The following MTHFD1L variants were observed in gnomAD, a reference collection of about 807,000 sequenced individuals.
The protein encoded by MTHFD1L is monofunctional C1-tetrahydrofolate synthase, mitochondrial.
In MTHFD1L, 81 loss-of-function variants were observed where a neutral mutation model predicts 119.5. The ratio of observed to expected loss-of-function variants is 0.68; its 90% confidence interval spans 0.57 to 0.82. MTHFD1L has a LOEUF of 0.82. Among genes scored for constraint, MTHFD1L ranks in the 40% least tolerant of loss-of-function variants. The probability of loss-of-function intolerance (pLI) is 0.00; values close to 1 mark genes in which losing one functional copy is unlikely to be tolerated. For missense variants in MTHFD1L, 1,125 were observed against 1,253.4 expected, an observed-to-expected ratio of 0.90 and a Z score of 1.55; for synonymous variants, 430 against 475.2, an observed-to-expected ratio of 0.90 and a Z score of 1.24.
At chr6:151,006,771 C>T (rs998536166) in intron 20 of MTHFD1L, among the ~76,000 whole-genome samples, 12 of 152,034 alleles carry the variant, frequency 7.9e-5, no homozygotes, top group African/African-American at 2.9e-4. Context: ...AACACATGGT[C>T]CGTATCATCA....
intron 1 of MTHFD1L, among the ~76,000 whole-genome samples, chr6:150,874,133 C>T (rs1780005050): frequency 6.6e-6 from 1 of 152,080 alleles, no homozygotes; most frequent in African/African-American, 2.4e-5. Flanking sequence ...GGGCCTCAGT[C>T]ACCCATTATT....
chr6:150,949,095 G>A lies in MTHFD1L; in HGVS notation c.1688G>A (p.Arg563His), dbSNP rs61748674. 0.017 allele frequency: 27,336 copies of A among 1,613,932 alleles called. 289 individuals carry two copies. The highest frequency in any genetic ancestry group is 0.021 in the Non-Finnish European group (24,208 of 1,179,912). Residue 563 changes from arginine (R) to histidine (H), a missense_variant, in exon 16 of 28, where the codon CGT (arginine) becomes CAT (histidine). By Grantham distance (29) the Arg-to-His change is conservative. Coordinates refer to ENST00000367321, the MANE Select transcript of MTHFD1L (RefSeq NM_015440.5). ...GAAGAGGAAGTGAGTAAATTTGCCC[G>A]TCTCGACATCGACCCATCTACCATC... The part of the protein sequence containing the change: ...LTEEEVSKFA[R>H]LDIDPSTITW...
intron 20 of MTHFD1L, among the ~76,000 whole-genome samples, chr6:150,995,851 C>T (rs749674856): frequency 1.5e-4 from 23 of 151,998 alleles, no homozygotes; most frequent in Admixed American, 3.9e-4. Context: ...TTAGTAGAGA[C>T]GGGGTTTCAC....
At chr6:150,981,932 T>G (rs1160964930) in intron 20 of MTHFD1L, among the ~76,000 whole-genome samples, 1 of 151,980 alleles carries the variant, frequency 6.6e-6, no homozygotes, top group African/African-American at 2.4e-5. Flanking sequence ...TAAAAAAAAT[T>G]TTTAATTAGC....
At chr6:150,965,880 C>T (rs972663740) in intron 19 of MTHFD1L, among the ~76,000 whole-genome samples, 3 of 152,084 alleles carry the variant, frequency 2.0e-5, no homozygotes, top group African/African-American at 7.2e-5. Context: ...AAACACACAG[C>T]ATGTTAGTTG....
Position 150,940,609 on chromosome 6 carries a change from C to G in MTHFD1L, c.1440+1864C>G, listed in dbSNP as rs567158163. On this transcript the variant is annotated intron_variant, in intron 13 of 27. Transcript: ENST00000367321. ...TTTATTTTATTTTTTGAGATGGAGT[C>G]TCGCTCTGTCACCCAGGCTGGAGTG... Among the ~76,000 whole-genome samples, 308 of 151,864 alleles carry G rather than the reference C, an allele frequency of 2.0e-3. 2 individuals carry two copies. Among genetic ancestry groups the G allele is most frequent in the Non-Finnish European group, 3.3e-3 (223 of 67,968 alleles).
chr6:150,967,634 C>T (rs138716324), intron 19 of MTHFD1L, among the ~76,000 whole-genome samples: 6 of 152,234 alleles, frequency 3.9e-5, no homozygotes, highest in Admixed American at 1.3e-4. Flanking sequence ...GGCAGAAACC[C>T]GAGGATGATC....
intron 26 of MTHFD1L, among the ~76,000 whole-genome samples, chr6:151,063,768 T>C (rs1790904292): frequency 6.6e-6 from 1 of 152,132 alleles, no homozygotes; most frequent in Non-Finnish European, 1.5e-5. Flanking sequence ...TAATTAAACA[T>C]CCAAATGTCA....
intron 1 of MTHFD1L, among the ~76,000 whole-genome samples, chr6:150,866,878 G>C (rs1451851652): frequency 6.6e-6 from 1 of 152,200 alleles, no homozygotes; most frequent in Non-Finnish European, 1.5e-5. Context: ...TGCAGGGCGA[G>C]CCCTTCGGGA....
intron 26 of MTHFD1L, among the ~76,000 whole-genome samples, chr6:151,051,314 C>T: frequency 6.6e-6 from 1 of 152,180 alleles, no homozygotes; most frequent in Non-Finnish European, 1.5e-5. Flanking sequence ...AGCTGCTTGA[C>T]CACATTTTCC....
At chr6:150,876,365 T>C (rs9322290) in intron 2 of MTHFD1L, among the ~76,000 whole-genome samples, 191 bp downstream of exon 2, 10,981 of 152,230 alleles carry the variant, frequency 0.072, 586 homozygotes, top group East Asian at 0.22. Context: ...TGTCTTCTTT[T>C]GTGAATTTTC....
intron 24 of MTHFD1L, 52 bp from the exon 25 acceptor site, chr6:151,034,441 T>C (rs1308088404): frequency 2.9e-5 from 37 of 1,284,944 alleles, no homozygotes; most frequent in Non-Finnish European, 3.9e-5. Context: ...TTTTAAAAAA[T>C]CTTTAACCAG....
At chr6:150,945,331 C>G in intron 14 of MTHFD1L, 136 bp from the exon 15 acceptor site, 1 of 629,342 alleles carries the variant, frequency 1.6e-6, no homozygotes, top group Non-Finnish European at 2.8e-6. Flanking sequence ...TTTATATTAG[C>G]CCACAAATTT....
chr6:151,094,819 C>T (rs977262344), intron 27 of MTHFD1L, among the ~76,000 whole-genome samples: 1 of 152,112 alleles, frequency 6.6e-6, no homozygotes, highest in Admixed American at 6.5e-5. Context: ...GCTGAGATTA[C>T]AGGCGGGAGC....
chr6:150,947,167 G>A (rs552767798), intron 15 of MTHFD1L, among the ~76,000 whole-genome samples: 4 of 150,572 alleles, frequency 2.7e-5, no homozygotes, highest in East Asian at 4.2e-4. Flanking sequence ...GCACGATCTC[G>A]GCTCGCTGCA....
chr6:150,995,572 C>T (rs1012590601), intron 20 of MTHFD1L, among the ~76,000 whole-genome samples: 4 of 151,266 alleles, frequency 2.6e-5, no homozygotes, highest in East Asian at 1.9e-4. Flanking sequence ...CCTTTGTCAA[C>T]GGTACAAAGA....
chr6:150,957,058 A>T (rs1031955902), intron 17 of MTHFD1L, among the ~76,000 whole-genome samples: 1 of 152,252 alleles, frequency 6.6e-6, no homozygotes, highest in African/African-American at 2.4e-5. Context: ...GTGGACTTCC[A>T]TCCTTAACAA....
At chr6:150,896,997 G>A (rs1784344200) in intron 7 of MTHFD1L, among the ~76,000 whole-genome samples, 1 of 151,838 alleles carries the variant, frequency 6.6e-6, no homozygotes, top group Non-Finnish European at 1.5e-5. Context: ...GGCACCTGAA[G>A]TCTCTGCTAC....
chr6:150,948,637 T>TTTTTTG (rs1554258971), intron 15 of MTHFD1L, among the ~76,000 whole-genome samples: 1 of 135,602 alleles, frequency 7.4e-6, no homozygotes, highest in Non-Finnish European at 1.7e-5. Flanking sequence ...TTTAGTGTTT[T>TTTTTTG]TTTTGTTTTG....
Sources: gnomAD v4.1 joint callset for allele counts (sites outside exome capture counted in the v4.1 genomes callset) on GRCh38, gnomAD v4.1.1 for gene constraint, MANE v1.5 for transcripts, NCBI Gene and HGNC (gene_info 2026-07-23, HGNC 2026-07-21) for gene names.